SERPINA6: variants seen among roughly 807,000 people sequenced by gnomAD.
SERPINA6 encodes serpin family A member 6, also known as corticosteroid-binding globulin.
In SERPINA6, 19 loss-of-function variants were observed where a neutral mutation model predicts 26.4. The observed-to-expected ratio is 0.72, with a 90% confidence interval of 0.50 to 1.06. The LOEUF is 1.06. SERPINA6 is among the 50% of genes least tolerant of loss of function. The pLI is 0.00. For missense variants in SERPINA6, 473 were observed against 504.0 expected, an observed-to-expected ratio of 0.94 and a Z score of 0.59; for synonymous variants, 196 against 199.4, an observed-to-expected ratio of 0.98 and a Z score of 0.14.
chr14:94,316,480 C>T lies in SERPINA6; in HGVS notation c.-19-1813G>A, dbSNP rs76087402. 3.2e-3 allele frequency among the ~76,000 whole-genome samples: 490 copies of T among 152,272 alleles called. 10 individuals carry two copies. The South Asian group carries it at 0.062, about 19-fold the overall frequency. On this transcript the variant is annotated intron_variant, in intron 1 of 4. Transcript: ENST00000341584. ...TTGAAGTGTCTAAATTGCTGTAGAACGATTTCACCCTTCAATTATGTCCAT... is the reference window on the plus strand; with the variant it reads ...TTGAAGTGTCTAAATTGCTGTAGAATGATTTCACCCTTCAATTATGTCCAT...
At chr14:94,305,984 T>C in intron 4 of SERPINA6, 87 bp downstream of exon 4, 1 of 1,511,206 alleles carries the variant, frequency 6.6e-7, no homozygotes, top group Non-Finnish European at 9.2e-7. Context: ...GGCTCATTCA[T>C]GAACGAACTC....
chr14:94,306,099 GTGA>G lies in SERPINA6; in HGVS notation c.1001_1003del (p.Ile334del). ...TGATGACTTCAGCTGGGCGTCCTGG[GTGA>G]TGCGTGAGAAATTTGCCTGGTTGGT... On this transcript the variant is annotated inframe_deletion, in exon 4 of 5. Coordinates refer to ENST00000341584, the MANE Select transcript of SERPINA6 (RefSeq NM_001756.4). The G allele has an allele frequency of 6.2e-7, 1 of 1,614,188 alleles. No individual in the cohort carries two copies. The highest frequency in any genetic ancestry group is 8.5e-7 in the Non-Finnish European group (1 of 1,180,034).
At chr14:94,314,698 G>A (rs1251153833) in intron 1 of SERPINA6, 31 bp from the exon 2 acceptor site, 1 of 1,601,058 alleles carries the variant, frequency 6.2e-7, no homozygotes, top group African/African-American at 1.3e-5. Flanking sequence ...GTTAGATGCT[G>A]TGGCAGTCTC....
intron 2 of SERPINA6, among the ~76,000 whole-genome samples, chr14:94,311,706 G>A (rs1294835549): frequency 1.3e-5 from 2 of 152,136 alleles, no homozygotes; most frequent in African/African-American, 2.4e-5. Flanking sequence ...TTGGGAGGCC[G>A]AGGCGGGTGG....
chr14:94,309,768 C>T lies in SERPINA6; in HGVS notation c.852G>A (p.Thr284=), dbSNP rs774071131. 6.8e-6 allele frequency: 11 copies of T among 1,614,144 alleles called. No homozygotes were observed. The East Asian group carries it at 1.1e-4, about 16-fold the overall frequency. ...TCAGGCCTGCGGACCACCTGTTAAT[C>T]GTGTCCCGGCTCAGTGCAGCGATGA... The part of the protein sequence containing the change: ...NTVIAALSRD[T]INRWSAGLTS... Residue 284 remains threonine, a synonymous_variant, in exon 3 of 5, where the codon ACG becomes ACA. Coordinates refer to ENST00000341584, the MANE Select transcript of SERPINA6 (RefSeq NM_001756.4).
At chr14:94,307,500 G>T (rs977763701) in intron 3 of SERPINA6, among the ~76,000 whole-genome samples, 6 of 152,240 alleles carry the variant, frequency 3.9e-5, no homozygotes, top group Admixed American at 2.0e-4. Flanking sequence ...TTCATGAAAA[G>T]ATTATTTTTG....
chr14:94,310,553 C>A (rs1325938915), intron 2 of SERPINA6, among the ~76,000 whole-genome samples: 1 of 152,142 alleles, frequency 6.6e-6, no homozygotes. Context: ...CCCAGCAGGC[C>A]CTCAAGTCCC....
intron 2 of SERPINA6, among the ~76,000 whole-genome samples, chr14:94,310,455 C>G (rs1895513361): frequency 6.6e-6 from 1 of 152,176 alleles, no homozygotes; most frequent in Non-Finnish European, 1.5e-5. Flanking sequence ...AGGCTCCTGA[C>G]CCTGCTGAAT....
chr14:94,304,315 A>AACTTGGAGGAGATTGGGGGAAAC lies in SERPINA6; in HGVS notation c.*80_*102dup. On this transcript the variant is annotated 3_prime_UTR_variant, in exon 5 of 5. Coordinates refer to ENST00000341584, the MANE Select transcript of SERPINA6 (RefSeq NM_001756.4). ...ACACAACTCTGGTTGGAGGGAGAAG[A>AACTTGGAGGAGATTGGGGGAAAC]ACTTGGAGGAGATTGGGGGAAACCT... The AACTTGGAGGAGATTGGGGGAAAC allele has an allele frequency of 1.8e-6, 2 of 1,134,764 alleles. No individual in the cohort carries two copies. The highest frequency in any genetic ancestry group is 2.7e-6 in the Non-Finnish European group (2 of 744,564). The allele number at this position is 1,134,764 out of a possible 1,614,324, so 70.3% of individuals were successfully genotyped here.
At chr14:94,304,983 G>A (rs1020723153) in intron 4 of SERPINA6, among the ~76,000 whole-genome samples, 1 of 152,200 alleles carries the variant, frequency 6.6e-6, no homozygotes, top group Admixed American at 6.5e-5. Context: ...TATGCAAAGT[G>A]CCTATGTCTG....
At chr14:94,305,977 T>A in intron 4 of SERPINA6, 94 bp downstream of exon 4, 1 of 1,437,522 alleles carries the variant, frequency 7.0e-7, no homozygotes, top group Admixed American at 1.7e-5. Context: ...ACCTAGAGGC[T>A]CATTCATGAA....
intron 2 of SERPINA6, 142 bp downstream of exon 2, chr14:94,313,894 G>T: frequency 1.1e-6 from 1 of 904,034 alleles, no homozygotes; most frequent in African/African-American, 1.6e-5. Context: ...TACCCAGCAG[G>T]ATTGTGGTGA....
chr14:94,321,329 TTGCCCACCACA>T (rs1895682705), intron 1 of SERPINA6, among the ~76,000 whole-genome samples: 2 of 152,290 alleles, frequency 1.3e-5, no homozygotes, highest in Admixed American at 6.5e-5. Context: ...GGACTCCCCA[TTGCCCACCACA>T]GGGCTGATTC....
At chr14:94,318,648 T>C (rs867114933) in intron 1 of SERPINA6, among the ~76,000 whole-genome samples, 9 of 152,238 alleles carry the variant, frequency 5.9e-5, no homozygotes, top group Middle Eastern at 3.4e-3. Flanking sequence ...TAACACCATA[T>C]ACAAAAATTA....
At chr14:94,311,615 TA>T (rs995499469) in intron 2 of SERPINA6, among the ~76,000 whole-genome samples, 56 of 151,174 alleles carry the variant, frequency 3.7e-4, no homozygotes, top group African/African-American at 1.0e-3. Context: ...TTAATGTTAT[TA>T]AAAAAAAACT....
rs369290168 is a variant in SERPINA6 at position 94,306,070 on chromosome 14, C to A, written c.1032+1G>T. On this transcript the variant is annotated splice_donor_variant, in intron 4 of 4. Transcript: ENST00000341584. LOFTEE classifies it high-confidence loss of function. The stretch of plus-strand genomic sequence containing the variant: ...AAAAGGTGGGTTCCCATGACATTTA[C>A]CTTTGATGACTTCAGCTGGGCGTCC... The A allele has an allele frequency of 6.2e-7, 1 of 1,614,148 alleles. No individual in the cohort carries two copies. Among genetic ancestry groups the A allele is most frequent in the Non-Finnish European group, 8.5e-7 (1 of 1,180,022 alleles).
At chr14:94,308,038 A>G (rs149340038) in intron 3 of SERPINA6, among the ~76,000 whole-genome samples, 5 of 152,318 alleles carry the variant, frequency 3.3e-5, no homozygotes, top group Non-Finnish European at 5.9e-5. Flanking sequence ...TCCAAGCCAA[A>G]TTTGTCTTCA....
At position 94,309,769 on chromosome 14, in the gene SERPINA6, G is replaced by A. The variant is rs747987928; in HGVS notation, c.851C>T (p.Thr284Met). ...NTVIAALSRD[T>M]INRWSAGLTS... is the part of the protein sequence containing the mutation. ...CAGGCCTGCGGACCACCTGTTAATCGTGTCCCGGCTCAGTGCAGCGATGAC... is the reference window on the plus strand; with the variant it reads ...CAGGCCTGCGGACCACCTGTTAATCATGTCCCGGCTCAGTGCAGCGATGAC... The change falls in exon 3 of 5, where the codon ACG becomes ATG. Residue 284 changes from threonine to methionine, a missense_variant. Coordinates refer to ENST00000341584, the MANE Select transcript of SERPINA6 (RefSeq NM_001756.4). The A allele has an allele frequency of 2.0e-5, 33 of 1,614,018 alleles. No homozygotes were observed. The highest frequency in any genetic ancestry group is 1.8e-4 in the East Asian group (8 of 44,876).
intron 2 of SERPINA6, 93 bp from the exon 3 acceptor site, chr14:94,310,099 T>G: frequency 7.7e-7 from 1 of 1,298,768 alleles, no homozygotes; most frequent in Non-Finnish European, 1.1e-6. Context: ...CACAGTGGCC[T>G]TCTGCATGCT....
Sources: gnomAD v4.1 joint callset for allele counts (sites outside exome capture counted in the v4.1 genomes callset) on GRCh38, gnomAD v4.1.1 for gene constraint, MANE v1.5 for transcripts, NCBI Gene and HGNC (gene_info 2026-07-23, HGNC 2026-07-21) for gene names.